SLC24A2: variants seen among roughly 807,000 people sequenced by gnomAD.
SLC24A2 encodes sodium/potassium/calcium exchanger 2.
A neutral mutation model predicts 62.0 loss-of-function variants in SLC24A2; 36 were observed. That is an observed-to-expected ratio of 0.58 (90% CI 0.44 to 0.77). The LOEUF (loss-of-function observed/expected upper bound fraction) is 0.77. Among genes scored for constraint, SLC24A2 ranks in the 30% least tolerant of loss-of-function variants. The pLI is 0.00. For synonymous variants in SLC24A2, 358 were observed against 294.0 expected, an observed-to-expected ratio of 1.22 and a Z score of -2.23; for missense variants, 846 against 817.9, an observed-to-expected ratio of 1.03 and a Z score of -0.42.
chr9:19,727,569 C>T (rs759395104), intron 2 of SLC24A2, among the ~76,000 whole-genome samples: 10 of 152,284 alleles, frequency 6.6e-5, no homozygotes, highest in Non-Finnish European at 1.5e-5. Context: ...ACACTTAGAA[C>T]AATGACTAGC....
At chr9:19,963,121 G>T in the SLC24A2 span, among the ~76,000 whole-genome samples, 1 of 150,988 alleles carries the variant, frequency 6.6e-6, no homozygotes, top group African/African-American at 2.4e-5. Flanking sequence ...ATGGGGAAAG[G>T]ATTCCCTATT....
At chr9:19,677,555 A>G (rs1819596205) in intron 2 of SLC24A2, among the ~76,000 whole-genome samples, 1 of 152,152 alleles carries the variant, frequency 6.6e-6, no homozygotes, top group South Asian at 2.1e-4. Context: ...TGTATAACAA[A>G]CGTGCATGTG....
chr9:19,556,076 C>A (rs895113117), intron 7 of SLC24A2, among the ~76,000 whole-genome samples: 1 of 152,206 alleles, frequency 6.6e-6, no homozygotes. Flanking sequence ...AGAACTCTTA[C>A]ACAGCACAGA....
intron 2 of SLC24A2, among the ~76,000 whole-genome samples, chr9:19,770,836 A>T (rs1822664775): frequency 6.6e-6 from 1 of 152,202 alleles, no homozygotes; most frequent in African/African-American, 2.4e-5. Flanking sequence ...CACATTACAA[A>T]TACTTAATAT....
intron 2 of SLC24A2, among the ~76,000 whole-genome samples, chr9:19,653,003 G>A (rs78850884): frequency 2.1e-4 from 32 of 152,134 alleles, no homozygotes; most frequent in African/African-American, 7.0e-4. Flanking sequence ...TTCCCATAGG[G>A]CATCTTACTT....
the SLC24A2 span, among the ~76,000 whole-genome samples, chr9:19,959,307 C>G: frequency 6.6e-6 from 1 of 152,184 alleles, no homozygotes; most frequent in African/African-American, 2.4e-5. Flanking sequence ...AAAATGGATT[C>G]AATCAGATTC....
intron 7 of SLC24A2, among the ~76,000 whole-genome samples, chr9:19,552,090 T>C (rs941482676): frequency 6.6e-6 from 1 of 152,178 alleles, no homozygotes; most frequent in Non-Finnish European, 1.5e-5. Flanking sequence ...CCTTTTTAAA[T>C]ATACACCTCA....
the SLC24A2 span, among the ~76,000 whole-genome samples, chr9:20,148,812 C>T: frequency 1.3e-5 from 2 of 152,050 alleles, no homozygotes; most frequent in African/African-American, 4.8e-5. Context: ...GTGGATGGAG[C>T]ACATACCCCT....
the SLC24A2 span, among the ~76,000 whole-genome samples, chr9:19,835,963 C>T: frequency 6.6e-6 from 1 of 152,148 alleles, no homozygotes; most frequent in South Asian, 2.1e-4. Flanking sequence ...GAACAACCTG[C>T]TCCTGAATGA....
chr9:19,977,939 G>C, the SLC24A2 span, among the ~76,000 whole-genome samples: 10 of 152,288 alleles, frequency 6.6e-5, no homozygotes, highest in African/African-American at 2.2e-4. Context: ...CTTAAAGATA[G>C]TCAGGGTGGA....
chr9:20,112,554 T>A, the SLC24A2 span, among the ~76,000 whole-genome samples: 1 of 152,166 alleles, frequency 6.6e-6, no homozygotes, highest in Non-Finnish European at 1.5e-5. Flanking sequence ...AATGTTTGAT[T>A]TATAGCTTGG....
chr9:19,658,501 C>G (rs1242158812), intron 2 of SLC24A2, among the ~76,000 whole-genome samples: 3 of 152,152 alleles, frequency 2.0e-5, no homozygotes, highest in African/African-American at 4.8e-5. Flanking sequence ...TCCTGAGCAC[C>G]AAGTTAAAAA....
At chr9:19,795,747 C>T in the SLC24A2 span, among the ~76,000 whole-genome samples, 1 of 152,086 alleles carries the variant, frequency 6.6e-6, no homozygotes, top group East Asian at 1.9e-4. Context: ...TCACCATATT[C>T]CCTCTTCCAT....
the SLC24A2 span, among the ~76,000 whole-genome samples, chr9:20,220,487 C>T: frequency 6.6e-6 from 1 of 152,108 alleles, no homozygotes; most frequent in African/African-American, 2.4e-5. Flanking sequence ...GATCAGAAAG[C>T]TTCTCAGTAT....
At chr9:19,923,787 GC>G in the SLC24A2 span, among the ~76,000 whole-genome samples, 1 of 152,064 alleles carries the variant, frequency 6.6e-6, no homozygotes, top group Non-Finnish European at 1.5e-5. Flanking sequence ...TGTTCTTGTT[GC>G]CCAGGCTGGA....
the SLC24A2 span, among the ~76,000 whole-genome samples, chr9:19,874,162 C>G: frequency 6.8e-6 from 1 of 147,886 alleles, no homozygotes; most frequent in Non-Finnish European, 1.5e-5. Context: ...TCACTGCAAC[C>G]TCTTTCTCCC....
chr9:19,984,508 C>G, the SLC24A2 span, among the ~76,000 whole-genome samples: 1 of 152,242 alleles, frequency 6.6e-6, no homozygotes, highest in Non-Finnish European at 1.5e-5. Context: ...GAGTTCAAGA[C>G]CAGCCTGGCC....
the SLC24A2 span, among the ~76,000 whole-genome samples, chr9:19,939,701 C>T: frequency 6.6e-6 from 1 of 152,200 alleles, no homozygotes; most frequent in African/African-American, 2.4e-5. Flanking sequence ...TATACTATCA[C>T]TAGGGGATGG....
the SLC24A2 span, among the ~76,000 whole-genome samples, chr9:19,939,847 G>A: frequency 8.5e-5 from 13 of 152,132 alleles, no homozygotes; most frequent in Non-Finnish European, 1.6e-4. Context: ...GTGAATTACG[G>A]CTATGCTAAA....
Sources: allele counts gnomAD v4.1 joint callset (sites outside exome capture counted in the v4.1 genomes callset), GRCh38; gene constraint gnomAD v4.1.1; transcripts MANE v1.5; gene names NCBI Gene and HGNC (gene_info 2026-07-23, HGNC 2026-07-21).